CNTNAP5: variants seen among roughly 807,000 people sequenced by gnomAD.
The protein encoded by CNTNAP5 is contactin associated protein family member 5, also known as contactin-associated protein-like 5.
In CNTNAP5, 72 loss-of-function variants were observed where a neutral mutation model predicts 150.2. The ratio of observed to expected loss-of-function variants is 0.48; its 90% CI spans 0.40 to 0.58. The LOEUF (loss-of-function observed/expected upper bound fraction) is 0.58. CNTNAP5 is among the 20% of genes least tolerant of loss of function. The pLI, the probability that CNTNAP5 is intolerant of heterozygous loss-of-function variation, is 0.00. For synonymous variants in CNTNAP5, 672 were observed against 619.8 expected (o/e 1.08, Z -1.25); for missense variants, 1,636 against 1,626.2 (o/e 1.01, Z -0.10).
chr2:124,900,222 G>A (rs1678387565), intron 21 of CNTNAP5, among the ~76,000 whole-genome samples: 1 of 151,550 alleles, frequency 6.6e-6, no homozygotes, highest in African/African-American at 2.4e-5. Context: ...GCTACTCAGT[G>A]AGTGGTGAAT....
intron 3 of CNTNAP5, among the ~76,000 whole-genome samples, chr2:124,269,595 C>T (rs748684241): frequency 3.3e-5 from 5 of 151,928 alleles, no homozygotes; most frequent in Non-Finnish European, 7.4e-5. Context: ...GTAGTCTGAA[C>T]ACGGAAAGTG....
At chr2:124,660,038 G>GGAAT (rs1678551135) in intron 13 of CNTNAP5, among the ~76,000 whole-genome samples, 1 of 90,668 alleles carries the variant, frequency 1.1e-5, no homozygotes. Flanking sequence ...AAGGAAGGAA[G>GGAAT]GAAGAAAGGA....
At chr2:124,098,945 A>G (rs1384911274) in intron 1 of CNTNAP5, among the ~76,000 whole-genome samples, 3 of 152,140 alleles carry the variant, frequency 2.0e-5, no homozygotes, top group Non-Finnish European at 4.4e-5. Context: ...TAACAGCAAT[A>G]ATGATAATAA....
At chr2:124,092,738 G>T (rs1164715243) in intron 1 of CNTNAP5, among the ~76,000 whole-genome samples, 1 of 152,158 alleles carries the variant, frequency 6.6e-6, no homozygotes, top group Non-Finnish European at 1.5e-5. Flanking sequence ...ACCAAAGTTG[G>T]TCTCCTCACC....
At chr2:124,141,727 T>A in intron 1 of CNTNAP5, among the ~76,000 whole-genome samples, 1 of 21,152 alleles carries the variant, frequency 4.7e-5, no homozygotes, top group Non-Finnish European at 9.4e-5. Context: ...AGAAACTGCA[T>A]CAACTAATGA....
intron 1 of CNTNAP5, among the ~76,000 whole-genome samples, chr2:124,175,563 C>T (rs567272646): frequency 2.6e-5 from 4 of 151,962 alleles, no homozygotes; most frequent in Non-Finnish European, 4.4e-5. Context: ...AGCATAGTAC[C>T]CAATAGGTAG....
intron 1 of CNTNAP5, among the ~76,000 whole-genome samples, chr2:124,145,811 T>TAAAAAAAAAAAAAAAAA (rs761766577): frequency 1.6e-4 from 2 of 12,790 alleles, no homozygotes; most frequent in Non-Finnish European, 2.7e-4. Flanking sequence ...AAAAAAAACA[T>TAAAAAAAAAAAAAAAAA]TAAAAAAAAA....
chr2:124,870,267 T>G (rs759783863), intron 21 of CNTNAP5, among the ~76,000 whole-genome samples: 48 of 151,952 alleles, frequency 3.2e-4, no homozygotes, highest in Non-Finnish European at 2.1e-4. Context: ...AGTGAACATT[T>G]TATCACACTT....
intron 2 of CNTNAP5, among the ~76,000 whole-genome samples, chr2:124,239,618 A>G (rs1435355210): frequency 1.3e-5 from 2 of 152,118 alleles, no homozygotes; most frequent in African/African-American, 4.8e-5. Flanking sequence ...TCATACATTC[A>G]CCACAGACAA....
In CNTNAP5 at chr2:124,669,521, C is replaced by G. The variant is rs575666185; in HGVS notation, c.2077+21563C>G. On this transcript the variant is annotated intron_variant, in intron 13 of 23. Transcript: ENST00000682447. ...CCCAGGGCTCTCTTCATCATCTATG[C>G]ATTCTTCTTGGATTGCCATTCAGTC... Among the ~76,000 whole-genome samples, 27 of 152,340 alleles carry G rather than the reference C, an allele frequency of 1.8e-4. No homozygotes were observed. The South Asian group carries it at 5.0e-3, about 28-fold the overall frequency.
chr2:124,326,761 CAAAA>C (rs1689228861), intron 3 of CNTNAP5, among the ~76,000 whole-genome samples: 1 of 151,714 alleles, frequency 6.6e-6, no homozygotes. Flanking sequence ...CCCATCTTGA[CAAAA>C]TAAATAAATA....
chr2:124,376,633 T>C (rs1383955082), intron 3 of CNTNAP5, among the ~76,000 whole-genome samples: 2 of 152,070 alleles, frequency 1.3e-5, no homozygotes, highest in African/African-American at 4.8e-5. Context: ...GTTTATCATT[T>C]GGGAGGTGGA....
At chr2:124,816,065 T>C (rs1437563772) in intron 19 of CNTNAP5, among the ~76,000 whole-genome samples, 1 of 152,204 alleles carries the variant, frequency 6.6e-6, no homozygotes. Flanking sequence ...GTCTGTGTCT[T>C]ACCGTTAGCA....
At chr2:124,783,886 C>T (rs1212264904) in intron 17 of CNTNAP5, among the ~76,000 whole-genome samples, 1 of 152,156 alleles carries the variant, frequency 6.6e-6, no homozygotes, top group African/African-American at 2.4e-5. Context: ...AGATACATGC[C>T]TTATCCTTAA....
intron 11 of CNTNAP5, among the ~76,000 whole-genome samples, chr2:124,588,432 C>T (rs931414523): frequency 2.6e-5 from 4 of 151,680 alleles, no homozygotes; most frequent in African/African-American, 7.3e-5. Flanking sequence ...TGCCAATTGT[C>T]GTCGGTCTGA....
At chr2:124,229,458 A>G (rs1167398751) in intron 2 of CNTNAP5, among the ~76,000 whole-genome samples, 1 of 152,204 alleles carries the variant, frequency 6.6e-6, no homozygotes, top group African/African-American at 2.4e-5. Flanking sequence ...TCTCACTTCC[A>G]CAAACACTTC....
chr2:124,569,679 G>A (rs1696106316), intron 11 of CNTNAP5, among the ~76,000 whole-genome samples: 1 of 152,174 alleles, frequency 6.6e-6, no homozygotes, highest in Non-Finnish European at 1.5e-5. Context: ...CTTTTCAACA[G>A]TGTAGGCTCT....
At chr2:124,300,316 CAA>C (rs1380212133) in intron 3 of CNTNAP5, among the ~76,000 whole-genome samples, 1 of 152,248 alleles carries the variant, frequency 6.6e-6, no homozygotes. Context: ...TCCGTAATCA[CAA>C]AGACACATAA....
intron 11 of CNTNAP5, among the ~76,000 whole-genome samples, chr2:124,584,137 T>C (rs895140749): frequency 6.6e-6 from 1 of 152,190 alleles, no homozygotes; most frequent in African/African-American, 2.4e-5. Context: ...AGCCTACTTC[T>C]CTGACAGCCT....
Sources: gnomAD v4.1 joint callset for allele counts (sites outside exome capture counted in the v4.1 genomes callset) on GRCh38, gnomAD v4.1.1 for gene constraint, MANE v1.5 for transcripts, NCBI Gene and HGNC (gene_info 2026-07-23, HGNC 2026-07-21) for gene names.